Variants in GRM7 observed in about 807,000 individuals in gnomAD.
The protein encoded by GRM7 is metabotropic glutamate receptor 7.
Under a neutral mutation model 84.5 loss-of-function variants are expected in GRM7, and 35 were observed. The observed-to-expected ratio is 0.41, with a 90% CI of 0.32 to 0.55. The LOEUF (loss-of-function observed/expected upper bound fraction) is 0.55. GRM7 is among the 20% of genes least tolerant of loss of function. The pLI is 0.19. For synonymous variants in GRM7, 487 were observed against 455.1 expected (o/e 1.07, Z -0.89); for missense variants, 1,003 against 1,194.6 (o/e 0.84, Z 2.36).
intron 1 of GRM7, among the ~76,000 whole-genome samples, chr3:7,127,908 G>A (rs1693454441): frequency 6.6e-6 from 1 of 152,002 alleles, no homozygotes. Context: ...CTTGCTTTTG[G>A]TAATAGATTA....
intron 1 of GRM7, among the ~76,000 whole-genome samples, chr3:6,898,567 C>T (rs1010000542): frequency 6.6e-6 from 1 of 152,078 alleles, no homozygotes; most frequent in South Asian, 2.1e-4. Context: ...ACCTTCTACT[C>T]TCTTCACCAA....
intron 2 of GRM7, among the ~76,000 whole-genome samples, chr3:7,259,969 G>GTTTTTTT (rs1698357109): frequency 2.2e-4 from 2 of 9,120 alleles, no homozygotes; most frequent in Non-Finnish European, 4.8e-4. Flanking sequence ...TTTTTTTGAC[G>GTTTTTTT]TTTTAATAAT....
chr3:7,082,870 A>G (rs1046209836), intron 1 of GRM7, among the ~76,000 whole-genome samples: 73 of 152,260 alleles, frequency 4.8e-4, no homozygotes, highest in African/African-American at 1.6e-3. Flanking sequence ...TGGAGCCTGA[A>G]GATGTGGCTA....
chr3:7,517,988 C>T (rs1406906780), intron 7 of GRM7, among the ~76,000 whole-genome samples: 1 of 152,180 alleles, frequency 6.6e-6, no homozygotes, highest in Non-Finnish European at 1.5e-5. Flanking sequence ...ATGTTTCACT[C>T]ATTTTGTCAT....
chr3:7,037,129 C>T (rs1696416776), intron 1 of GRM7, among the ~76,000 whole-genome samples: 1 of 152,080 alleles, frequency 6.6e-6, no homozygotes, highest in Non-Finnish European at 1.5e-5. Flanking sequence ...ATTTAAACAG[C>T]TGTATGAGGT....
chr3:7,292,745 T>C (rs1461004234), intron 2 of GRM7, among the ~76,000 whole-genome samples: 1 of 150,686 alleles, frequency 6.6e-6, no homozygotes, highest in East Asian at 2.0e-4. Context: ...AAACAAACCA[T>C]TGAGGCTGGA....
intron 1 of GRM7, among the ~76,000 whole-genome samples, chr3:7,035,142 G>T (rs1014619859): frequency 1.3e-5 from 2 of 152,146 alleles, no homozygotes; most frequent in Non-Finnish European, 2.9e-5. Flanking sequence ...TTACCCTGTG[G>T]TAGGAAAGGG....
intron 9 of GRM7, among the ~76,000 whole-genome samples, chr3:7,710,891 C>T (rs73809685): frequency 0.015 from 2,243 of 152,298 alleles, 65 homozygotes; most frequent in African/African-American, 0.051. Flanking sequence ...CCACCTTTTT[C>T]ACCTGTCTCA....
At chr3:7,150,067 A>G (rs1053416575) in intron 2 of GRM7, among the ~76,000 whole-genome samples, 9 of 145,094 alleles carry the variant, frequency 6.2e-5, no homozygotes, top group African/African-American at 2.3e-4. Flanking sequence ...GTGTATACAT[A>G]TATGTGTGTG....
intron 2 of GRM7, among the ~76,000 whole-genome samples, chr3:7,220,444 C>T (rs530673934): frequency 1.7e-4 from 26 of 152,214 alleles, no homozygotes; most frequent in African/African-American, 4.3e-4. Flanking sequence ...AATTGAGGGA[C>T]GTTCTCCAAA....
At chr3:7,498,311 T>A in intron 7 of GRM7, among the ~76,000 whole-genome samples, 1 of 152,200 alleles carries the variant, frequency 6.6e-6, no homozygotes, top group East Asian at 1.9e-4. Context: ...CTACAGGGTT[T>A]AGAGTTGGGG....
chr3:6,917,466 C>G (rs536417201), intron 1 of GRM7, among the ~76,000 whole-genome samples: 9 of 146,080 alleles, frequency 6.2e-5, no homozygotes, highest in African/African-American at 2.3e-4. Context: ...CCTAGGAAAA[C>G]TGGAAATCAA....
At chr3:7,247,602 T>TTA (rs1491271809) in intron 2 of GRM7, among the ~76,000 whole-genome samples, 98 of 102,610 alleles carry the variant, frequency 9.6e-4, no homozygotes, top group African/African-American at 3.2e-3. Flanking sequence ...TCTTTTTTTT[T>TTA]AAAAAAAAAA....
At chr3:7,270,111 C>G (rs911784600) in intron 2 of GRM7, among the ~76,000 whole-genome samples, 2 of 152,184 alleles carry the variant, frequency 1.3e-5, no homozygotes, top group Non-Finnish European at 2.9e-5. Context: ...AAGATGTTCT[C>G]TTGGGATGCT....
At chr3:6,950,275 G>A (rs1692687125) in intron 1 of GRM7, among the ~76,000 whole-genome samples, 1 of 152,124 alleles carries the variant, frequency 6.6e-6, no homozygotes, top group Non-Finnish European at 1.5e-5. Context: ...CCTTCTAATA[G>A]TCAGGACCCT....
chr3:7,012,743 TTGTG>T (rs1252099083), intron 1 of GRM7, among the ~76,000 whole-genome samples: 4 of 152,082 alleles, frequency 2.6e-5, no homozygotes, highest in African/African-American at 9.7e-5. Context: ...CCCAGTTTAT[TTGTG>T]TGTTTGTTTA....
At chr3:6,897,817 T>A (rs1156961146) in intron 1 of GRM7, among the ~76,000 whole-genome samples, 2 of 152,162 alleles carry the variant, frequency 1.3e-5, no homozygotes, top group East Asian at 3.9e-4. Context: ...ACAGAGATAG[T>A]GTAGCATTAG....
rs540030949 is a variant in GRM7 at position 7,724,909 on chromosome 3, G to A, written c.2699-15448G>A. Among the ~76,000 whole-genome samples the A allele has an allele frequency of 5.9e-5, 9 of 152,000 alleles. No homozygotes were observed. In the East Asian group the frequency reaches 1.6e-3, roughly 26 times the overall value. The stretch of plus-strand genomic sequence containing the variant: ...TCCCCAAGTAGCTGGGACCACAGGC[G>A]CTTGACACCAGGCCCAGCTGTTGTT... On this transcript the variant is annotated intron_variant, in intron 9 of 9. Transcript: ENST00000357716.
chr3:6,984,636 A>G (rs970998072), intron 1 of GRM7, among the ~76,000 whole-genome samples: 1 of 152,070 alleles, frequency 6.6e-6, no homozygotes, highest in African/African-American at 2.4e-5. Context: ...GCATCTACAC[A>G]TGCCTTTTAG....
Sources: allele counts gnomAD v4.1 joint callset (sites outside exome capture counted in the v4.1 genomes callset), GRCh38; gene constraint gnomAD v4.1.1; transcripts MANE v1.5; gene names NCBI Gene and HGNC (gene_info 2026-07-23, HGNC 2026-07-21).